GOLIM4: variants seen among roughly 807,000 people sequenced by gnomAD.
The protein encoded by GOLIM4 is golgi integral membrane protein 4.
Under a neutral mutation model 107.4 loss-of-function variants are expected in GOLIM4, and 71 were observed. The observed-to-expected ratio is 0.66, with a 90% confidence interval of 0.55 to 0.81. The LOEUF (loss-of-function observed/expected upper bound fraction) is 0.81, where lower values mean the gene tolerates loss of function less well. Ranked by LOEUF, GOLIM4 falls within the 30% of genes least tolerant of loss-of-function variation. The pLI is 0.00. For missense variants in GOLIM4, 830 were observed against 826.1 expected (o/e 1.00, Z -0.06); for synonymous variants, 327 against 294.8 (o/e 1.11, Z -1.12).
At chr3:168,087,160 A>G (rs186833329) in intron 1 of GOLIM4, among the ~76,000 whole-genome samples, 3 of 152,312 alleles carry the variant, frequency 2.0e-5, no homozygotes, top group Admixed American at 1.3e-4. Flanking sequence ...TCACTTAAAT[A>G]AGTTTATTTT....
Position 168,027,748 on chromosome 3 carries a change from C to T in GOLIM4, c.1603G>A (p.Asp535Asn), listed in dbSNP as rs764286955. 2.1e-5 allele frequency: 34 copies of T among 1,606,040 alleles called. No homozygotes were observed. The South Asian group carries it at 2.6e-4, about 12-fold the overall frequency. ...EPREQGPREA[D>N]PESEADRAAV... ...CTTACATCTGCCTCAGATTCTGGGT[C>T]GGCTTCTCGGGGTCCTTGTTCACGA... is the stretch of plus-strand genomic sequence containing the variant. Residue 535 changes from aspartate (D) to asparagine (N), a missense_variant, in exon 12 of 16, where the codon GAC becomes AAC. Coordinates refer to ENST00000470487, the MANE Select transcript of GOLIM4 (RefSeq NM_014498.5).
intron 14 of GOLIM4, among the ~76,000 whole-genome samples, chr3:168,020,719 C>T (rs1717630679): frequency 6.6e-6 from 1 of 152,178 alleles, no homozygotes; most frequent in Non-Finnish European, 1.5e-5. Flanking sequence ...ATTTTCCACA[C>T]ATATAGAGAA....
intron 1 of GOLIM4, among the ~76,000 whole-genome samples, chr3:168,052,155 G>T (rs1224900224): frequency 6.6e-6 from 1 of 152,082 alleles, no homozygotes. Context: ...TATCTCTTTG[G>T]CTGAATGTCA....
At chr3:168,077,201 T>C (rs935858204) in intron 1 of GOLIM4, among the ~76,000 whole-genome samples, 2 of 152,194 alleles carry the variant, frequency 1.3e-5, no homozygotes, top group Non-Finnish European at 2.9e-5. Context: ...AAATTCTTCA[T>C]CCCTCACTAC....
intron 1 of GOLIM4, among the ~76,000 whole-genome samples, chr3:168,073,403 C>T (rs933995317): frequency 1.8e-4 from 27 of 152,270 alleles, no homozygotes; most frequent in African/African-American, 6.5e-4. Context: ...GGAAACACAG[C>T]CATATAAAAT....
chr3:168,069,896 T>C (rs2108276760), intron 1 of GOLIM4, among the ~76,000 whole-genome samples: 1 of 152,276 alleles, frequency 6.6e-6, no homozygotes, highest in Middle Eastern at 3.4e-3. Flanking sequence ...ATCATTAATA[T>C]AGTTAATTTT....
intron 1 of GOLIM4, among the ~76,000 whole-genome samples, chr3:168,086,248 C>G (rs1018704384): frequency 2.0e-5 from 3 of 151,946 alleles, no homozygotes; most frequent in African/African-American, 7.3e-5. Flanking sequence ...ATTAATAAAT[C>G]TCACTAATAT....
intron 1 of GOLIM4, among the ~76,000 whole-genome samples, chr3:168,055,447 T>C (rs1051389090): frequency 4.6e-5 from 7 of 152,100 alleles, no homozygotes; most frequent in Non-Finnish European, 1.0e-4. Flanking sequence ...AACTTTGAAC[T>C]TGAGAAAGAT....
intron 14 of GOLIM4, among the ~76,000 whole-genome samples, chr3:168,023,376 A>C (rs1268738861): frequency 6.6e-6 from 1 of 152,242 alleles, no homozygotes; most frequent in African/African-American, 2.4e-5. Context: ...AAGCCAGTTA[A>C]AGTGCATGTT....
chr3:168,031,984 T>TCCTTACTGGACTGG (rs1718360237), intron 9 of GOLIM4, among the ~76,000 whole-genome samples: 1 of 152,122 alleles, frequency 6.6e-6, no homozygotes, highest in Non-Finnish European at 1.5e-5. Context: ...GCGTGTCCAG[T>TCCTTACTGGACTGG]AAGGGATCCT....
intron 11 of GOLIM4, among the ~76,000 whole-genome samples, 188 bp from the exon 12 acceptor site, chr3:168,028,025 G>C (rs1307669957): frequency 6.6e-6 from 1 of 152,204 alleles, no homozygotes; most frequent in Admixed American, 6.5e-5. Flanking sequence ...TGTGTGTCTA[G>C]AGAGATGATA....
chr3:168,012,804 A>C (rs930204721), intron 14 of GOLIM4, among the ~76,000 whole-genome samples: 13 of 152,234 alleles, frequency 8.5e-5, no homozygotes, highest in African/African-American at 2.4e-4. Context: ...TCATAAGCGA[A>C]GGAGAAATAA....
At chr3:168,060,008 A>G (rs1421000999) in intron 1 of GOLIM4, among the ~76,000 whole-genome samples, 1 of 152,320 alleles carries the variant, frequency 6.6e-6, no homozygotes, top group East Asian at 1.9e-4. Flanking sequence ...AAGTCAAAGC[A>G]TAAGGGAAGG....
At chr3:168,018,151 A>G (rs1717479642) in intron 14 of GOLIM4, among the ~76,000 whole-genome samples, 1 of 152,102 alleles carries the variant, frequency 6.6e-6, no homozygotes, top group African/African-American at 2.4e-5. Context: ...GATCTTTTCT[A>G]GGATCAGAGA....
chr3:168,041,393 T>C lies in GOLIM4; in HGVS notation c.599A>G (p.Lys200Arg), dbSNP rs1248782874. 1 of 1,562,850 alleles carries C rather than the reference T, an allele frequency of 6.4e-7. No homozygotes were observed. The highest frequency in any genetic ancestry group is 8.8e-7 in the Non-Finnish European group (1 of 1,134,624). The change falls in exon 6 of 16, where the codon AAG (lysine) becomes AGG (arginine). Residue 200 changes from lysine (K) to arginine (R), a missense_variant and splice_region_variant. Physicochemically the swap from Lys to Arg is conservative, Grantham distance 26. Transcript: ENST00000470487. Reference protein sequence around the residue: ...QDIHTQLQDVKQQHKNLLSEH... With the variant: ...QDIHTQLQDVRQQHKNLLSEH... ...GTGAAACGTTTGGTTTTCTTTTACC[T>C]TGACATCTTGAAGCTGTGTATGTAT...
At chr3:168,010,456 T>A in intron 15 of GOLIM4, 38 bp from the exon 16 acceptor site, 2 of 1,331,940 alleles carry the variant, frequency 1.5e-6, no homozygotes, top group Non-Finnish European at 1.1e-6. Context: ...TAAGAGATAG[T>A]ATAGAGTTAG....
At chr3:168,077,162 T>C (rs1049580818) in intron 1 of GOLIM4, among the ~76,000 whole-genome samples, 1 of 152,244 alleles carries the variant, frequency 6.6e-6, no homozygotes, top group Non-Finnish European at 1.5e-5. Flanking sequence ...TATTTTGAAG[T>C]TGACTGTGGT....
At chr3:168,051,930 T>G (rs529798658) in intron 1 of GOLIM4, among the ~76,000 whole-genome samples, 3 of 152,064 alleles carry the variant, frequency 2.0e-5, no homozygotes, top group African/African-American at 7.2e-5. Context: ...AGAAACCACA[T>G]CAGGTAAAGG....
chr3:168,051,478 C>A (rs1719643269), intron 1 of GOLIM4, among the ~76,000 whole-genome samples: 1 of 152,080 alleles, frequency 6.6e-6, no homozygotes, highest in African/African-American at 2.4e-5. Context: ...AAAATGTCCA[C>A]AGAAAGGCAA....
Sources: allele counts gnomAD v4.1 joint callset (sites outside exome capture counted in the v4.1 genomes callset), GRCh38; gene constraint gnomAD v4.1.1; transcripts MANE v1.5; gene names NCBI Gene and HGNC (gene_info 2026-07-23, HGNC 2026-07-21).